IGSF21: variants seen among roughly 807,000 people sequenced by gnomAD.
IGSF21 encodes the protein immunoglobin superfamily member 21.
In IGSF21, 28 loss-of-function variants were observed where a neutral mutation model predicts 46.8. That is an observed-to-expected ratio of 0.60 (90% CI 0.44 to 0.82). The LOEUF (loss-of-function observed/expected upper bound fraction) is 0.82. Ranked by LOEUF, IGSF21 falls within the 40% of genes least tolerant of loss-of-function variation. The pLI is 0.00. For missense variants in IGSF21, 624 were observed against 665.5 expected (o/e 0.94, Z 0.69); for synonymous variants, 284 against 273.6 (o/e 1.04, Z -0.38).
chr1:18,267,605 G>T (rs2085001926), intron 2 of IGSF21, among the ~76,000 whole-genome samples: 1 of 152,240 alleles, frequency 6.6e-6, no homozygotes, highest in Non-Finnish European at 1.5e-5. Flanking sequence ...AAAAAGGGGA[G>T]CATGGAGGAA....
chr1:18,374,500 G>A (rs12077411), intron 6 of IGSF21, among the ~76,000 whole-genome samples: 1 of 152,070 alleles, frequency 6.6e-6, no homozygotes, highest in Non-Finnish European at 1.5e-5. Flanking sequence ...TTAGAACTCA[G>A]CTCGCAGGTA....
In IGSF21 at chr1:18,334,546, T is replaced by G. The variant is rs1270369139; in HGVS notation, c.306-346T>G. On this transcript the variant is annotated intron_variant, in intron 3 of 9. Coordinates refer to ENST00000251296, the MANE Select transcript of IGSF21 (RefSeq NM_032880.5). The surrounding 1 kb of genome is among the most constrained non-coding windows in gnomAD (Gnocchi z 4.3). ...TGGTCCCATACTGCATGCAGCGACA[T>G]ACTAAATGCCCATACCTCTTCACCT... Among the ~76,000 whole-genome samples, 4 of 152,254 alleles carry G rather than the reference T, an allele frequency of 2.6e-5. No homozygotes were observed. In the East Asian group the frequency reaches 7.7e-4, roughly 29 times the overall value.
At chr1:18,283,279 G>A (rs1376622516) in intron 2 of IGSF21, among the ~76,000 whole-genome samples, 1 of 152,222 alleles carries the variant, frequency 6.6e-6, no homozygotes, top group Non-Finnish European at 1.5e-5. Context: ...CAATTACCTT[G>A]AGCCCAGCCC....
rs139232706 is a variant in IGSF21 at position 18,255,745 on chromosome 1, T to C, written c.183+27735T>C. 2.5e-3 allele frequency among the ~76,000 whole-genome samples: 379 copies of C among 152,226 alleles called. 3 individuals carry two copies. The highest frequency in any genetic ancestry group is 8.1e-3 in the African/African-American group (336 of 41,516). ...ACCCAGGTCATCTTGCTCCAAGTCT[T>C]GTCAATTCCACTTCCTAAATCTCTC... On this transcript the variant is annotated intron_variant, in intron 2 of 9. Coordinates refer to ENST00000251296, the MANE Select transcript of IGSF21 (RefSeq NM_032880.5).
intron 1 of IGSF21, among the ~76,000 whole-genome samples, chr1:18,154,971 G>A (rs1557560826): frequency 6.6e-6 from 1 of 152,016 alleles, no homozygotes; most frequent in Non-Finnish European, 1.5e-5. Flanking sequence ...GGGGAGCAGG[G>A]GCTAGGCAAA....
chr1:18,197,159 G>A (rs962281406), intron 1 of IGSF21, among the ~76,000 whole-genome samples: 3 of 152,312 alleles, frequency 2.0e-5, no homozygotes, highest in Admixed American at 6.5e-5. Flanking sequence ...GTCTCGATGC[G>A]AGGAAGGAGT....
chr1:18,177,321 G>A (rs2086809307), intron 1 of IGSF21, among the ~76,000 whole-genome samples: 2 of 152,144 alleles, frequency 1.3e-5, no homozygotes, highest in South Asian at 4.1e-4. Flanking sequence ...AAAAGTCCAT[G>A]CAGAGCCCTG....
rs772544543 is a variant in IGSF21, at chr1:18,291,964, C to G, written c.282C>G (p.Asp94Glu). Residue 94 changes from aspartate (D) to glutamate (E), a missense_variant, in exon 3 of 10, where the codon GAC becomes GAG. Asp to Glu is a conservative substitution (Grantham distance 45). Transcript: ENST00000251296. ...SHMENYRKRE[D>E]LVYQSTVRLP... Reference sequence around the variant, plus strand: ...TGGAGAACTACCGCAAGCGAGAGGACCTGGTGTACCAGTCCACTGTGAGGT... The same window carrying G: ...TGGAGAACTACCGCAAGCGAGAGGAGCTGGTGTACCAGTCCACTGTGAGGT... 6.2e-7 allele frequency: 1 copy of G among 1,614,056 alleles called. No individual in the cohort carries two copies. Among genetic ancestry groups the G allele is most frequent in the South Asian group, 1.1e-5 (1 of 91,064 alleles).
intron 1 of IGSF21, among the ~76,000 whole-genome samples, chr1:18,207,068 C>T (rs1191619994): frequency 6.6e-6 from 1 of 152,160 alleles, no homozygotes; most frequent in African/African-American, 2.4e-5. Context: ...ACTTCCAAAC[C>T]CATTTAAGTT....
chr1:18,377,137 G>T, intron 8 of IGSF21, 145 bp downstream of exon 8: 1 of 874,610 alleles, frequency 1.1e-6, no homozygotes, highest in Non-Finnish European at 1.7e-6. Context: ...GCCCCACTGG[G>T]AGGCAGGGTC....
chr1:18,282,424 C>G (rs964867500), intron 2 of IGSF21, among the ~76,000 whole-genome samples: 4 of 151,962 alleles, frequency 2.6e-5, no homozygotes, highest in Non-Finnish European at 5.9e-5. Flanking sequence ...TGTCTGCTAG[C>G]CCCTAAAGCA....
intron 4 of IGSF21, among the ~76,000 whole-genome samples, chr1:18,338,597 C>A (rs1181783636): frequency 1.3e-5 from 2 of 152,138 alleles, no homozygotes; most frequent in Admixed American, 1.3e-4. Flanking sequence ...CCCAGTCTAC[C>A]ATCCACACGT....
chr1:18,191,389 A>C (rs1258972667), intron 1 of IGSF21, among the ~76,000 whole-genome samples: 4 of 152,180 alleles, frequency 2.6e-5, no homozygotes, highest in South Asian at 2.1e-4. Context: ...CTGCATGTGG[A>C]TTACACACCT....
At chr1:18,144,848 C>T (rs936104242) in intron 1 of IGSF21, among the ~76,000 whole-genome samples, 2 of 150,160 alleles carry the variant, frequency 1.3e-5, no homozygotes, top group Non-Finnish European at 1.5e-5. Context: ...TTAACTTCTC[C>T]GTGCCTCTAT....
chr1:18,375,887 G>A (rs999201122), intron 6 of IGSF21: 3 of 189,740 alleles, frequency 1.6e-5, no homozygotes, highest in African/African-American at 6.8e-5. Flanking sequence ...CCTCAAGTCT[G>A]GCTGCTGGTG....
chr1:18,368,650 A>ACTCCTCTC (rs1172923845), intron 6 of IGSF21, among the ~76,000 whole-genome samples: 1 of 151,250 alleles, frequency 6.6e-6, no homozygotes, highest in Admixed American at 6.6e-5. Flanking sequence ...CCAGCCCTTC[A>ACTCCTCTC]CTCCTCTCTC....
intron 2 of IGSF21, among the ~76,000 whole-genome samples, chr1:18,255,355 A>G (rs1366643774): frequency 1.3e-5 from 2 of 152,140 alleles, no homozygotes; most frequent in African/African-American, 4.8e-5. Context: ...CAAGCCCAAT[A>G]TTGCCCATGG....
intron 4 of IGSF21, among the ~76,000 whole-genome samples, chr1:18,359,511 G>GAGAAAGAAAGAAA: frequency 3.0e-5 from 4 of 132,396 alleles, no homozygotes; most frequent in African/African-American, 5.5e-5. Flanking sequence ...AAGGAAGGAA[G>GAGAAAGAAAGAAA]GAAAAGCAAT....
intron 3 of IGSF21, among the ~76,000 whole-genome samples, chr1:18,317,578 A>G (rs1231312599): frequency 6.6e-6 from 1 of 152,188 alleles, no homozygotes; most frequent in Non-Finnish European, 1.5e-5. Flanking sequence ...CAAGAGCCGC[A>G]TCTATGCACC....
Sources: allele counts gnomAD v4.1 joint callset (sites outside exome capture counted in the v4.1 genomes callset), GRCh38; gene constraint gnomAD v4.1.1; non-coding constraint Gnocchi (gnomAD v3.1); transcripts MANE v1.5; gene names NCBI Gene and HGNC (gene_info 2026-07-23, HGNC 2026-07-21).